DACH1: variants seen among roughly 807,000 people sequenced by gnomAD.
DACH1 encodes the protein dachshund family transcription factor 1.
Under a neutral mutation model 54.2 loss-of-function variants are expected in DACH1, and 12 were observed. The ratio of observed to expected loss-of-function variants is 0.22; its 90% CI spans 0.14 to 0.36. The LOEUF (loss-of-function observed/expected upper bound fraction) is 0.36, where lower values mean the gene tolerates loss of function less well. Ranked by LOEUF, DACH1 falls within the 10% of genes least tolerant of loss-of-function variation. The probability of loss-of-function intolerance (pLI) is 1.00; values close to 1 mark genes in which losing one functional copy is unlikely to be tolerated. For synonymous variants in DACH1, 386 were observed against 366.2 expected, an observed-to-expected ratio of 1.05 and a Z score of -0.62; for missense variants, 805 against 929.8, an observed-to-expected ratio of 0.87 and a Z score of 1.75.
chr13:71,528,257 T>C (rs1260103582), intron 6 of DACH1, among the ~76,000 whole-genome samples: 2 of 152,198 alleles, frequency 1.3e-5, no homozygotes, highest in African/African-American at 2.4e-5. Context: ...GGGGAATATA[T>C]CAAGTGTAAA....
At chr13:71,812,944 C>T (rs1887774484) in intron 1 of DACH1, among the ~76,000 whole-genome samples, 1 of 152,156 alleles carries the variant, frequency 6.6e-6, no homozygotes, top group South Asian at 2.1e-4. Context: ...CCAAGCCCAG[C>T]TTTTTGCAAG....
intron 7 of DACH1, among the ~76,000 whole-genome samples, chr13:71,481,305 A>G (rs1878009286): frequency 6.6e-6 from 1 of 152,224 alleles, no homozygotes; most frequent in African/African-American, 2.4e-5. Context: ...AATTACTATT[A>G]AACTATTATT....
chr13:71,602,524 T>C (rs1230069170), intron 3 of DACH1, among the ~76,000 whole-genome samples: 1 of 151,988 alleles, frequency 6.6e-6, no homozygotes, highest in Non-Finnish European at 1.5e-5. Flanking sequence ...TTGTCCGCCA[T>C]GGGAGCAAAA....
At chr13:71,808,101 A>G (rs1431677555) in intron 1 of DACH1, among the ~76,000 whole-genome samples, 1 of 152,082 alleles carries the variant, frequency 6.6e-6, no homozygotes, top group Non-Finnish European at 1.5e-5. Context: ...ACCTGGACCA[A>G]CGTCTTCACC....
intron 8 of DACH1, among the ~76,000 whole-genome samples, chr13:71,476,284 C>G (rs4883893): frequency 0.94 from 142,904 of 152,204 alleles, 67,758 homozygotes; most frequent in East Asian, 1. Flanking sequence ...TCAATTTTGA[C>G]CAGCAAATGG....
chr13:71,765,531 T>TA (rs1383214219), intron 1 of DACH1, among the ~76,000 whole-genome samples: 1 of 152,204 alleles, frequency 6.6e-6, no homozygotes, highest in Admixed American at 6.5e-5. Context: ...TGTACTGTCT[T>TA]AAAAATCTTC....
At chr13:71,525,348 C>CT (rs1235283510) in intron 6 of DACH1, among the ~76,000 whole-genome samples, 1 of 151,974 alleles carries the variant, frequency 6.6e-6, no homozygotes, top group Non-Finnish European at 1.5e-5. Flanking sequence ...TCAAAGAAAT[C>CT]TTTTTTAAAA....
intron 1 of DACH1, among the ~76,000 whole-genome samples, chr13:71,747,575 C>T (rs1884651658): frequency 6.6e-6 from 1 of 152,092 alleles, no homozygotes; most frequent in African/African-American, 2.4e-5. Flanking sequence ...AGTGAGACTC[C>T]ATCCCCCTGC....
chr13:71,468,377 G>A (rs562414497), intron 10 of DACH1, among the ~76,000 whole-genome samples: 17 of 152,154 alleles, frequency 1.1e-4, no homozygotes, highest in African/African-American at 4.1e-4. Flanking sequence ...ATTGCTAAAG[G>A]GGTGGGGGAA....
At chr13:71,686,592 A>T (rs970347302) in intron 1 of DACH1, among the ~76,000 whole-genome samples, 4 of 152,206 alleles carry the variant, frequency 2.6e-5, no homozygotes, top group Admixed American at 6.5e-5. Flanking sequence ...AGAGCAAGAG[A>T]TGTTAGAGTA....
intron 1 of DACH1, among the ~76,000 whole-genome samples, chr13:71,719,479 A>G (rs1883132598): frequency 6.6e-6 from 1 of 152,204 alleles, no homozygotes; most frequent in Admixed American, 6.6e-5. Flanking sequence ...ATGCAATGCA[A>G]AGAATAGACA....
At chr13:71,613,362 C>T (rs548156112) in intron 3 of DACH1, among the ~76,000 whole-genome samples, 1 of 152,266 alleles carries the variant, frequency 6.6e-6, no homozygotes, top group Non-Finnish European at 1.5e-5. Flanking sequence ...TATGCAGAGT[C>T]TTTTCAGGCT....
chr13:71,609,342 G>A (rs1158007925), intron 3 of DACH1, among the ~76,000 whole-genome samples: 5 of 152,128 alleles, frequency 3.3e-5, no homozygotes, highest in South Asian at 2.1e-4. Context: ...ACAAACATCC[G>A]CGTGTGTTTC....
chr13:71,863,750 T>C (rs1368367286), intron 1 of DACH1, among the ~76,000 whole-genome samples: 3 of 151,596 alleles, frequency 2.0e-5, no homozygotes, highest in African/African-American at 7.3e-5. Flanking sequence ...TATAATGCAG[T>C]CATTGAAGAA....
intron 2 of DACH1, among the ~76,000 whole-genome samples, chr13:71,681,019 T>C (rs7990888): frequency 0.24 from 37,001 of 151,808 alleles, 11,225 homozygotes; most frequent in African/African-American, 0.71. Context: ...AATAGACATA[T>C]GATAAAGAAA....
At chr13:71,817,035 C>T (rs893707373) in intron 1 of DACH1, among the ~76,000 whole-genome samples, 9 of 152,018 alleles carry the variant, frequency 5.9e-5, no homozygotes, top group African/African-American at 2.2e-4. Context: ...TGTAGGAAAC[C>T]TACGCTTGTA....
chr13:71,636,670 G>T (rs1374314561), intron 2 of DACH1, among the ~76,000 whole-genome samples: 2 of 151,466 alleles, frequency 1.3e-5, no homozygotes, highest in Non-Finnish European at 2.9e-5. Flanking sequence ...CATATATTGT[G>T]TTCTCTCTTC....
At chr13:71,816,940 G>A (rs1004745822) in intron 1 of DACH1, among the ~76,000 whole-genome samples, 1 of 151,984 alleles carries the variant, frequency 6.6e-6, no homozygotes, top group African/African-American at 2.4e-5. Flanking sequence ...TAGAGGATCA[G>A]GAAGAACAAC....
chr13:71,758,135 G>GC (rs1336107530), intron 1 of DACH1, among the ~76,000 whole-genome samples: 4 of 151,846 alleles, frequency 2.6e-5, no homozygotes, highest in African/African-American at 4.8e-5. Flanking sequence ...TCTCTCCATG[G>GC]CCATTGCTCA....
Sources: gnomAD v4.1 joint callset for allele counts (sites outside exome capture counted in the v4.1 genomes callset) on GRCh38, gnomAD v4.1.1 for gene constraint, MANE v1.5 for transcripts, NCBI Gene and HGNC (gene_info 2026-07-23, HGNC 2026-07-21) for gene names.